EXT2: variants seen among roughly 807,000 people sequenced by gnomAD.
EXT2 encodes exostosin glycosyltransferase 2.
A neutral mutation model predicts 81.6 loss-of-function variants in EXT2; 53 were observed. The observed-to-expected ratio is 0.65, with a 90% CI of 0.52 to 0.82. The LOEUF (loss-of-function observed/expected upper bound fraction) is 0.82. EXT2 is among the 40% of genes least tolerant of loss of function. The pLI is 0.00. For synonymous variants in EXT2, 320 were observed against 340.0 expected (o/e 0.94, Z 0.65); for missense variants, 774 against 910.2 (o/e 0.85, Z 1.93).
At chr11:44,149,958 G>T (rs776121986) in intron 7 of EXT2, among the ~76,000 whole-genome samples, 9 of 152,194 alleles carry the variant, frequency 5.9e-5, no homozygotes, top group Admixed American at 6.5e-5. Context: ...AGAGGAAATT[G>T]TTGTATATTC....
chr11:44,109,403 T>C, intron 3 of EXT2, 120 bp downstream of exon 3: 1 of 940,804 alleles, frequency 1.1e-6, no homozygotes, highest in Non-Finnish European at 1.7e-6. Flanking sequence ...AACTAGAAAA[T>C]TGTCATAAGT....
chr11:44,177,011 T>C (rs1955167649), intron 8 of EXT2, among the ~76,000 whole-genome samples: 1 of 151,916 alleles, frequency 6.6e-6, no homozygotes, highest in Non-Finnish European at 1.5e-5. Flanking sequence ...AGATGCTTTG[T>C]CACTCTTATC....
chr11:44,207,221 A>T (rs1446978646), intron 10 of EXT2, among the ~76,000 whole-genome samples: 1 of 152,232 alleles, frequency 6.6e-6, no homozygotes, highest in Non-Finnish European at 1.5e-5. Flanking sequence ...CAATTTCAAA[A>T]GAGCATCTAT....
intron 8 of EXT2, among the ~76,000 whole-genome samples, chr11:44,189,382 G>T (rs1324010782): frequency 6.6e-6 from 1 of 152,166 alleles, no homozygotes; most frequent in Non-Finnish European, 1.5e-5. Flanking sequence ...GTATTAGTCT[G>T]TTCTCACATC....
chr11:44,175,128 C>A (rs1323608613), intron 8 of EXT2, among the ~76,000 whole-genome samples: 8 of 152,142 alleles, frequency 5.3e-5, no homozygotes, highest in African/African-American at 1.9e-4. Context: ...GCAGTGGGAC[C>A]AGACTGGAGG....
chr11:44,152,343 G>GGTT (rs550068887), intron 7 of EXT2, among the ~76,000 whole-genome samples: 2,836 of 151,870 alleles, frequency 0.019, 91 homozygotes, highest in African/African-American at 0.064. Flanking sequence ...AGTTTTATAG[G>GGTT]GTTGTTGTTG....
At chr11:44,148,940 A>AT (rs772980372) in intron 7 of EXT2, among the ~76,000 whole-genome samples, 1 of 152,106 alleles carries the variant, frequency 6.6e-6, no homozygotes, top group African/African-American at 2.4e-5. Context: ...AGGTAAATAC[A>AT]TTTTTTTGGG....
intron 9 of EXT2, among the ~76,000 whole-genome samples, chr11:44,204,884 T>C (rs1286137700): frequency 6.6e-6 from 1 of 152,120 alleles, no homozygotes; most frequent in Non-Finnish European, 1.5e-5. Context: ...GTATTCATAT[T>C]TTATAAGGAT....
intron 7 of EXT2, among the ~76,000 whole-genome samples, chr11:44,164,879 T>A (rs946630242): frequency 6.7e-6 from 1 of 149,158 alleles, no homozygotes; most frequent in Non-Finnish European, 1.5e-5. Flanking sequence ...ATTCACACTT[T>A]TTTTTTTTTT....
intron 10 of EXT2, among the ~76,000 whole-genome samples, chr11:44,231,537 C>T (rs932683631): frequency 6.6e-6 from 1 of 152,094 alleles, no homozygotes; most frequent in Non-Finnish European, 1.5e-5. Context: ...GATGAGACTA[C>T]TTAAAGAAAG....
intron 7 of EXT2, among the ~76,000 whole-genome samples, chr11:44,170,276 T>C (rs1174312185): frequency 6.6e-6 from 1 of 152,186 alleles, no homozygotes; most frequent in East Asian, 1.9e-4. Context: ...ATTGTTTGCC[T>C]AAATGATGAT....
chr11:44,196,918 C>A (rs554483565), intron 8 of EXT2, among the ~76,000 whole-genome samples: 1 of 152,128 alleles, frequency 6.6e-6, no homozygotes, highest in South Asian at 2.1e-4. Context: ...GAGAGGGAAG[C>A]GCTGAAAAGC....
chr11:44,131,863 G>A (rs550612619), intron 7 of EXT2, among the ~76,000 whole-genome samples: 71 of 152,178 alleles, frequency 4.7e-4, no homozygotes, highest in African/African-American at 1.6e-3. Flanking sequence ...TTAGCCTCCC[G>A]AGTAGCTGGG....
intron 7 of EXT2, among the ~76,000 whole-genome samples, chr11:44,131,064 C>T (rs1954485966): frequency 6.6e-6 from 1 of 152,228 alleles, no homozygotes; most frequent in Non-Finnish European, 1.5e-5. Flanking sequence ...CTTTGACCTC[C>T]TGCTTGAACC....
intron 8 of EXT2, among the ~76,000 whole-genome samples, chr11:44,192,440 A>G (rs1359029688): frequency 6.6e-6 from 1 of 152,180 alleles, no homozygotes; most frequent in Admixed American, 6.5e-5. Context: ...CATCTTTAAC[A>G]CTATACCAGG....
At chr11:44,125,045 T>G in intron 5 of EXT2, 61 bp downstream of exon 5, 1 of 1,552,356 alleles carries the variant, frequency 6.4e-7, no homozygotes, top group South Asian at 1.1e-5. Context: ...TGGGTTAAAA[T>G]TGAGCCCAGC....
chr11:44,120,425 G>A (rs996186498), intron 4 of EXT2, among the ~76,000 whole-genome samples: 3 of 152,150 alleles, frequency 2.0e-5, no homozygotes, highest in Non-Finnish European at 2.9e-5. Context: ...TGTCCATTTC[G>A]GTGCCAGCTT....
chr11:44,118,739 G>A (rs1327546589), intron 4 of EXT2, among the ~76,000 whole-genome samples: 1 of 151,996 alleles, frequency 6.6e-6, no homozygotes, highest in Non-Finnish European at 1.5e-5. Flanking sequence ...CATAAATTCA[G>A]AAAGGATGAG....
intron 3 of EXT2, among the ~76,000 whole-genome samples, chr11:44,111,553 T>C (rs1439939618): frequency 6.6e-6 from 1 of 152,252 alleles, no homozygotes; most frequent in Admixed American, 6.5e-5. Context: ...TGTAATACCG[T>C]TACTACCTTG....
Sources: gnomAD v4.1 joint callset for allele counts (sites outside exome capture counted in the v4.1 genomes callset) on GRCh38, gnomAD v4.1.1 for gene constraint, MANE v1.5 for transcripts, NCBI Gene and HGNC (gene_info 2026-07-23, HGNC 2026-07-21) for gene names.